Variants in SHLD1 observed in about 807,000 individuals in gnomAD.
SHLD1 encodes the protein shieldin complex subunit 1.
A neutral mutation model predicts 5.5 loss-of-function variants in SHLD1; 3 were observed. The ratio of observed to expected loss-of-function variants is 0.54; its 90% confidence interval spans 0.25 to 1.40. SHLD1 has a LOEUF of 1.40. Among genes scored for constraint, SHLD1 ranks in the 40% most tolerant of loss-of-function variants. SHLD1 has a pLI of 0.15. For missense variants in SHLD1, 210 were observed against 244.4 expected (o/e 0.86, Z 0.94); for synonymous variants, 92 against 94.3 (o/e 0.98, Z 0.14).
intron 2 of SHLD1, among the ~76,000 whole-genome samples, chr20:5,840,732 C>T (rs1346973462): frequency 2.0e-5 from 3 of 152,218 alleles, no homozygotes; most frequent in East Asian, 1.9e-4. Flanking sequence ...ATTTCTGCAG[C>T]TCTCCTAACA....
At chr20:5,778,139 C>CAA (rs1336164113) in intron 2 of SHLD1, among the ~76,000 whole-genome samples, 1 of 117,546 alleles carries the variant, frequency 8.5e-6, no homozygotes, top group Non-Finnish European at 1.7e-5. Flanking sequence ...TTTTTTGAGA[C>CAA]AGAGTCTCGT....
intron 2 of SHLD1, among the ~76,000 whole-genome samples, chr20:5,859,975 C>T (rs17288109): frequency 0.14 from 21,147 of 152,192 alleles, 1,617 homozygotes; most frequent in Non-Finnish European, 0.17. Flanking sequence ...TTACCAAGTA[C>T]GTGCCATGTT....
At chr20:5,816,762 T>A (rs1198374548) in intron 2 of SHLD1, among the ~76,000 whole-genome samples, 1 of 152,212 alleles carries the variant, frequency 6.6e-6, no homozygotes, top group Non-Finnish European at 1.5e-5. Flanking sequence ...TCATACATTA[T>A]GTTTTCCTTT....
At position 5,773,106 on chromosome 20, in the gene SHLD1, T is replaced by C. The variant is rs55863360; in HGVS notation, c.178+63T>C. ...AACTAGCAGCAATACGGGTGTGTGA[T>C]AGTTTGTTTCTCTCTCTTCCAATAG... is the stretch of plus-strand genomic sequence containing the variant. On this transcript the variant is annotated intron_variant, in intron 2 of 2. Transcript: ENST00000303142. The C allele has an allele frequency of 4.4e-3, 6,875 of 1,557,870 alleles. 14 individuals carry two copies. The highest frequency in any genetic ancestry group is 9.9e-3 in the African/African-American group (735 of 73,934).
intron 1 of SHLD1, among the ~76,000 whole-genome samples, chr20:5,763,290 C>CAAAAAAA (rs57863188): frequency 4.8e-4 from 28 of 57,994 alleles, no homozygotes; most frequent in East Asian, 1.8e-3. Flanking sequence ...AACTCCATCT[C>CAAAAAAA]AAAAAAAAAA....
intron 2 of SHLD1, among the ~76,000 whole-genome samples, chr20:5,824,859 A>G (rs964343853): frequency 1.3e-5 from 2 of 152,166 alleles, no homozygotes; most frequent in Non-Finnish European, 2.9e-5. Context: ...AAAGTTGTGG[A>G]TGAATTCTTG....
intron 2 of SHLD1, among the ~76,000 whole-genome samples, chr20:5,790,878 C>G (rs1222730772): frequency 6.6e-6 from 1 of 152,138 alleles, no homozygotes; most frequent in African/African-American, 2.4e-5. Context: ...AAAAGACAGT[C>G]ATGGCTGAGC....
intron 2 of SHLD1, among the ~76,000 whole-genome samples, chr20:5,782,651 C>T (rs1401491222): frequency 6.6e-6 from 1 of 152,182 alleles, no homozygotes; most frequent in Non-Finnish European, 1.5e-5. Flanking sequence ...TGATTTAATG[C>T]ACCTTTAGTC....
At chr20:5,781,121 C>T (rs1409250291) in intron 2 of SHLD1, among the ~76,000 whole-genome samples, 1 of 152,222 alleles carries the variant, frequency 6.6e-6, no homozygotes, top group Non-Finnish European at 1.5e-5. Context: ...CACCCAGCCA[C>T]TCCTCATGAA....
intron 2 of SHLD1, among the ~76,000 whole-genome samples, chr20:5,800,750 G>C (rs2087281022): frequency 6.6e-6 from 1 of 152,056 alleles, no homozygotes; most frequent in Non-Finnish European, 1.5e-5. Flanking sequence ...GGGCACACCA[G>C]TTCCATCCCT....
intron 2 of SHLD1, among the ~76,000 whole-genome samples, chr20:5,857,723 C>A (rs528979589): frequency 2.0e-5 from 3 of 151,796 alleles, no homozygotes; most frequent in African/African-American, 7.2e-5. Flanking sequence ...GTGGGAGGAT[C>A]GCCTGAGCCC....
intron 2 of SHLD1, among the ~76,000 whole-genome samples, chr20:5,817,424 CTCTCTCTCTG>C (rs1205325505): frequency 1.5e-4 from 19 of 130,310 alleles, no homozygotes; most frequent in East Asian, 4.0e-4. Context: ...CTCTCTCTCT[CTCTCTCTCTG>C]TGTGTGTGTG....
intron 1 of SHLD1, among the ~76,000 whole-genome samples, chr20:5,765,769 CTTTTTTT>C (rs756234026): frequency 3.2e-5 from 2 of 62,074 alleles, no homozygotes; most frequent in African/African-American, 1.3e-4. Context: ...CGCACAAATC[CTTTTTTT>C]TTTTTTTTTT....
intron 2 of SHLD1, among the ~76,000 whole-genome samples, chr20:5,805,674 C>T (rs1433843846): frequency 6.6e-6 from 1 of 152,132 alleles, no homozygotes; most frequent in Non-Finnish European, 1.5e-5. Context: ...AATCTCGGCT[C>T]ACTGCAACCT....
chr20:5,827,783 C>T (rs899324632), intron 2 of SHLD1, among the ~76,000 whole-genome samples: 17 of 152,210 alleles, frequency 1.1e-4, no homozygotes, highest in African/African-American at 3.4e-4. Context: ...GCTTCCCTTA[C>T]GGCTGATTCG....
At chr20:5,819,775 T>C (rs1444635846) in intron 2 of SHLD1, among the ~76,000 whole-genome samples, 3 of 152,202 alleles carry the variant, frequency 2.0e-5, no homozygotes, top group Admixed American at 2.0e-4. Context: ...TGAGCCATGA[T>C]GGTGCAACTG....
At chr20:5,815,281 T>C (rs1340266980) in intron 2 of SHLD1, among the ~76,000 whole-genome samples, 1 of 152,226 alleles carries the variant, frequency 6.6e-6, no homozygotes, top group Non-Finnish European at 1.5e-5. Flanking sequence ...TAGGGCAGCC[T>C]GGGAATCAGG....
intron 2 of SHLD1, among the ~76,000 whole-genome samples, chr20:5,796,002 A>G (rs1235118122): frequency 6.6e-6 from 1 of 152,000 alleles, no homozygotes; most frequent in Non-Finnish European, 1.5e-5. Flanking sequence ...AAAAAAAAAA[A>G]AGAAAGAAAG....
rs1040819225 is a variant in SHLD1 at position 5,784,083 on chromosome 20, G to A, written c.178+11040G>A. Among the ~76,000 whole-genome samples, 20 of 151,988 alleles carry A rather than the reference G, an allele frequency of 1.3e-4. No individual in the cohort carries two copies. In the East Asian group the frequency reaches 1.7e-3, roughly 13 times the overall value. On this transcript the variant is annotated intron_variant, in intron 2 of 2. Coordinates refer to ENST00000303142, the MANE Select transcript of SHLD1 (RefSeq NM_152504.4). ...GGAGAATTGCTTGAACCCGGGAGGC[G>A]GAGGTTGCAGTGAGCCGAGATGGCG... is the stretch of plus-strand genomic sequence containing the variant.
Sources: gnomAD v4.1 joint callset for allele counts (sites outside exome capture counted in the v4.1 genomes callset) on GRCh38, gnomAD v4.1.1 for gene constraint, MANE v1.5 for transcripts, NCBI Gene and HGNC (gene_info 2026-07-23, HGNC 2026-07-21) for gene names.